Variants in EGFLAM observed in about 807,000 individuals in gnomAD.
The protein encoded by EGFLAM is EGF like, fibronectin type III and laminin G domains.
A neutral mutation model predicts 113.1 loss-of-function variants in EGFLAM; 79 were observed. The ratio of observed to expected loss-of-function variants is 0.70; its 90% CI spans 0.58 to 0.84. EGFLAM has a LOEUF of 0.84. Among genes scored for constraint, EGFLAM ranks in the 40% least tolerant of loss-of-function variants. The pLI, the probability that EGFLAM is intolerant of heterozygous loss-of-function variation, is 0.00. For missense variants in EGFLAM, 1,265 were observed against 1,291.6 expected (o/e 0.98, Z 0.32); for synonymous variants, 504 against 487.6 (o/e 1.03, Z -0.44).
At chr5:38,431,104 T>C (rs555662021) in intron 14 of EGFLAM, 73 bp from the exon 15 acceptor site, 1 of 1,279,920 alleles carries the variant, frequency 7.8e-7, no homozygotes, top group South Asian at 1.3e-5. Flanking sequence ...AATAATGTTG[T>C]ACCAGCTATC....
chr5:38,409,133 T>C (rs1741389706), intron 10 of EGFLAM, 29 bp downstream of exon 10: 2 of 1,506,604 alleles, frequency 1.3e-6, no homozygotes, highest in Non-Finnish European at 1.8e-6. Flanking sequence ...CTCACACTCT[T>C]TTTTTGTTAC....
At chr5:38,270,460 A>G (rs776002213) in intron 1 of EGFLAM, among the ~76,000 whole-genome samples, 1 of 150,506 alleles carries the variant, frequency 6.6e-6, no homozygotes, top group Non-Finnish European at 1.5e-5. Flanking sequence ...GGAATTCCCA[A>G]TTGGTGTAGT....
At position 38,311,218 on chromosome 5, in the gene EGFLAM, T is replaced by C. The variant is rs571014462; in HGVS notation, c.98-26302T>C. 2.0e-5 allele frequency among the ~76,000 whole-genome samples: 3 copies of C among 152,268 alleles called. No homozygotes were observed. In the East Asian group the frequency reaches 5.8e-4, roughly 29 times the overall value. On this transcript the variant is annotated intron_variant, in intron 1 of 21. Coordinates refer to ENST00000322350, the MANE Select transcript of EGFLAM (RefSeq NM_152403.4). ...TATCATTTATTTGTGGTGAGAACAT[T>C]TCAAATCTATTCTTTTAGCAGTTTT... is the stretch of plus-strand genomic sequence containing the variant.
chr5:38,439,057 A>G (rs1742448502), intron 17 of EGFLAM, among the ~76,000 whole-genome samples: 1 of 152,250 alleles, frequency 6.6e-6, no homozygotes, highest in Non-Finnish European at 1.5e-5. Flanking sequence ...AGAGGGTTAT[A>G]GTATTGACTA....
At chr5:38,261,521 G>A (rs1009955434) in intron 1 of EGFLAM, among the ~76,000 whole-genome samples, 17 of 152,146 alleles carry the variant, frequency 1.1e-4, no homozygotes, top group African/African-American at 3.9e-4. Context: ...AGTAAGCGGT[G>A]GAATGGAAAT....
chr5:38,453,404 G>C (rs150744917), intron 19 of EGFLAM, among the ~76,000 whole-genome samples: 1,773 of 152,318 alleles, frequency 0.012, 38 homozygotes, highest in African/African-American at 0.041. Context: ...GACAGCCCAA[G>C]TAGGATAACA....
chr5:38,444,075 C>G (rs1202553138), intron 17 of EGFLAM, among the ~76,000 whole-genome samples: 1 of 151,978 alleles, frequency 6.6e-6, no homozygotes, highest in Non-Finnish European at 1.5e-5. Context: ...CTGACCAACT[C>G]TTTATAGTCT....
intron 3 of EGFLAM, chr5:38,345,540 A>G (rs1181199897): frequency 2.6e-5 from 4 of 152,170 alleles, no homozygotes; most frequent in African/African-American, 9.7e-5. Flanking sequence ...CCAGGCAAAC[A>G]CCAAGTAGGG....
At chr5:38,447,806 G>A in intron 17 of EGFLAM, among the ~76,000 whole-genome samples, 1 of 150,392 alleles carries the variant, frequency 6.6e-6, no homozygotes, top group Non-Finnish European at 1.5e-5. Flanking sequence ...AAAGTGATCA[G>A]AAATGCGGGA....
chr5:38,269,767 GC>G (rs1309237551), intron 1 of EGFLAM, among the ~76,000 whole-genome samples: 1 of 152,134 alleles, frequency 6.6e-6, no homozygotes, highest in East Asian at 1.9e-4. Flanking sequence ...GGGATTACAG[GC>G]CTGAGCCACT....
rs559493421 is a variant in EGFLAM, at chr5:38,311,599, C to T, written c.98-25921C>T. On this transcript the variant is annotated intron_variant, in intron 1 of 21. Transcript: ENST00000322350. ...TTTGTTCGTCCATTGATGGACAAAC[C>T]TGCCTGTTTTTTGCATTTTTTTCGT... Among the ~76,000 whole-genome samples, 22 of 152,242 alleles carry T rather than the reference C, an allele frequency of 1.4e-4. No individual in the cohort carries two copies. In the South Asian group the frequency reaches 4.1e-3, roughly 29 times the overall value.
intron 6 of EGFLAM, among the ~76,000 whole-genome samples, chr5:38,399,277 G>GTTTTT (rs797021726): frequency 0.019 from 2,305 of 118,382 alleles, 125 homozygotes; most frequent in African/African-American, 0.069. Flanking sequence ...TTTTGTTTTC[G>GTTTTT]TTTTTTTTTT....
At chr5:38,462,831 T>C in intron 20 of EGFLAM, 77 bp from the exon 21 acceptor site, 1 of 1,483,630 alleles carries the variant, frequency 6.7e-7, no homozygotes, top group Non-Finnish European at 9.3e-7. Context: ...AATACATTTG[T>C]ATTGAAATGA....
Position 38,258,804 on chromosome 5 carries a change from G to T in EGFLAM, c.50G>T (p.Ser17Ile), listed in dbSNP as rs771059396. 1.2e-6 allele frequency: 2 copies of T among 1,612,470 alleles called. No individual in the cohort carries two copies. Among genetic ancestry groups the T allele is most frequent in the East Asian group, 2.2e-5 (1 of 44,838 alleles). Reference protein sequence around the residue: ...VLLRLLLLASSLGPGAVSLRA... With the variant: ...VLLRLLLLASILGPGAVSLRA... ...CTCCGGCTCCTGCTCCTGGCTTCCAGCCTCGGACCCGGCGCGGTGTCGCTC... is the reference window on the plus strand; with the variant it reads ...CTCCGGCTCCTGCTCCTGGCTTCCATCCTCGGACCCGGCGCGGTGTCGCTC... The change falls in exon 1 of 22, where the codon AGC becomes ATC. Residue 17 changes from serine (S) to isoleucine (I), a missense_variant. Coordinates refer to ENST00000322350, the MANE Select transcript of EGFLAM (RefSeq NM_152403.4).
intron 6 of EGFLAM, among the ~76,000 whole-genome samples, chr5:38,384,098 G>A (rs80222341): frequency 0.015 from 2,270 of 152,262 alleles, 66 homozygotes; most frequent in African/African-American, 0.05. Context: ...TGCTGTGGCT[G>A]CAGTGGTGGA....
chr5:38,323,379 G>C (rs1459400440), intron 1 of EGFLAM, among the ~76,000 whole-genome samples: 1 of 152,090 alleles, frequency 6.6e-6, no homozygotes, highest in Non-Finnish European at 1.5e-5. Context: ...AGAGAAAAAA[G>C]CTCAAGCATA....
intron 1 of EGFLAM, among the ~76,000 whole-genome samples, chr5:38,303,490 T>C (rs1758643851): frequency 6.6e-6 from 1 of 152,160 alleles, no homozygotes; most frequent in South Asian, 2.1e-4. Flanking sequence ...CAGTTATCTA[T>C]AGGGCTTCTG....
intron 1 of EGFLAM, among the ~76,000 whole-genome samples, chr5:38,325,041 T>C (rs920392252): frequency 1.6e-4 from 24 of 152,090 alleles, no homozygotes; most frequent in African/African-American, 5.6e-4. Context: ...GTTGGGTACA[T>C]AGGCCTGCTC....
intron 15 of EGFLAM, among the ~76,000 whole-genome samples, chr5:38,434,855 C>T (rs1048360643): frequency 6.6e-6 from 1 of 152,210 alleles, no homozygotes; most frequent in Admixed American, 6.5e-5. Flanking sequence ...CAGTCTGCCA[C>T]AGTCATCATG....
Sources: gnomAD v4.1 joint callset for allele counts (sites outside exome capture counted in the v4.1 genomes callset) on GRCh38, gnomAD v4.1.1 for gene constraint, MANE v1.5 for transcripts, NCBI Gene and HGNC (gene_info 2026-07-23, HGNC 2026-07-21) for gene names.